ZNF532: variants seen among roughly 807,000 people sequenced by gnomAD.
The protein encoded by ZNF532 is zinc finger protein 532.
In ZNF532, 22 loss-of-function variants were observed where a neutral mutation model predicts 89.3. The observed-to-expected ratio is 0.25, with a 90% CI of 0.18 to 0.35. ZNF532 has a LOEUF of 0.35. ZNF532 is among the 10% of genes least tolerant of loss of function. The pLI, the probability that ZNF532 is intolerant of heterozygous loss-of-function variation, is 1.00. For missense variants in ZNF532, 1,132 were observed against 1,643.4 expected (o/e 0.69, Z 5.38); for synonymous variants, 606 against 649.6 (o/e 0.93, Z 1.02).
intron 2 of ZNF532, among the ~76,000 whole-genome samples, chr18:58,904,220 G>A (rs1467384085): frequency 6.6e-6 from 1 of 151,962 alleles, no homozygotes; most frequent in Admixed American, 6.6e-5. Flanking sequence ...GTGTGGTGGT[G>A]TGCACCTGTA....
chr18:58,943,459 C>CTTT (rs71336308), intron 5 of ZNF532, among the ~76,000 whole-genome samples: 2 of 131,322 alleles, frequency 1.5e-5, no homozygotes, highest in African/African-American at 2.9e-5. Context: ...CGCGCCCAGC[C>CTTT]TTTTTTTTTT....
At chr18:58,956,706 C>G (rs2064812249) in intron 7 of ZNF532, among the ~76,000 whole-genome samples, 1 of 152,246 alleles carries the variant, frequency 6.6e-6, no homozygotes, top group Non-Finnish European at 1.5e-5. Context: ...TCTGGTGACC[C>G]CTTTGTTGTT....
chr18:58,978,955 C>CTGTAATAATGATT, intron 7 of ZNF532, 100 bp from the exon 8 acceptor site: 1 of 938,888 alleles, frequency 1.1e-6, no homozygotes, highest in Non-Finnish European at 1.7e-6. Flanking sequence ...ATTTGGGGAC[C>CTGTAATAATGATT]TGTAATAATG....
chr18:58,874,386 C>T (rs2057260358), intron 2 of ZNF532, among the ~76,000 whole-genome samples: 1 of 151,928 alleles, frequency 6.6e-6, no homozygotes, highest in Non-Finnish European at 1.5e-5. Flanking sequence ...CTCTTGTTGC[C>T]CAGGTTGGAG....
intron 2 of ZNF532, among the ~76,000 whole-genome samples, chr18:58,907,376 G>C (rs924105483): frequency 6.6e-6 from 1 of 152,040 alleles, no homozygotes; most frequent in Non-Finnish European, 1.5e-5. Flanking sequence ...AGTAGAGATG[G>C]GGTTTTACCA....
In ZNF532 at chr18:58,938,599, G is replaced by T. The variant is rs1390534252; in HGVS notation, c.2529-846G>T. 5.9e-5 allele frequency among the ~76,000 whole-genome samples: 9 copies of T among 152,180 alleles called. No homozygotes were observed. The South Asian group carries it at 1.5e-3, about 25-fold the overall frequency. The stretch of plus-strand genomic sequence containing the variant: ...ATTTTCTAGGAGACAAAACACCTAG[G>T]TGGTTGACCTTCTCTATCCTGTGGA... On this transcript the variant is annotated intron_variant, in intron 4 of 9. Coordinates refer to ENST00000591808, the MANE Select transcript of ZNF532 (RefSeq NM_001375912.1).
At chr18:58,977,078 G>GTTGT (rs1030821199) in intron 7 of ZNF532, among the ~76,000 whole-genome samples, 7 of 152,024 alleles carry the variant, frequency 4.6e-5, no homozygotes, top group Admixed American at 2.0e-4. Flanking sequence ...TCTCTCTTTC[G>GTTGT]TTGTTTCCCC....
At chr18:58,955,949 T>C (rs2064729561) in intron 7 of ZNF532, among the ~76,000 whole-genome samples, 1 of 152,120 alleles carries the variant, frequency 6.6e-6, no homozygotes, top group Non-Finnish European at 1.5e-5. Context: ...CCTACCAGAT[T>C]GCATAAGAGT....
At chr18:58,879,610 C>T (rs2057724644) in intron 2 of ZNF532, among the ~76,000 whole-genome samples, 2 of 152,120 alleles carry the variant, frequency 1.3e-5, no homozygotes, top group African/African-American at 4.8e-5. Context: ...GGGCTGGTCT[C>T]GAACTCCTGA....
At chr18:58,923,043 G>A (rs959621776) in intron 3 of ZNF532, among the ~76,000 whole-genome samples, 2 of 152,178 alleles carry the variant, frequency 1.3e-5, no homozygotes, top group East Asian at 1.9e-4. Flanking sequence ...GCTGGGACGA[G>A]TACGCAGGTC....
At chr18:58,898,950 C>A (rs1371378726) in intron 2 of ZNF532, among the ~76,000 whole-genome samples, 1 of 152,258 alleles carries the variant, frequency 6.6e-6, no homozygotes, top group East Asian at 1.9e-4. Flanking sequence ...TCCCATGAGA[C>A]TGAGAAGCAT....
chr18:58,959,205 C>T (rs1329620370), intron 7 of ZNF532, among the ~76,000 whole-genome samples: 3 of 150,638 alleles, frequency 2.0e-5, no homozygotes, highest in African/African-American at 4.9e-5. Context: ...TGCTGAATTA[C>T]GGAACTCTGG....
chr18:58,970,963 T>A lies in ZNF532; in HGVS notation c.3151-8092T>A, dbSNP rs371752455. On this transcript the variant is annotated intron_variant, in intron 7 of 9. Coordinates refer to ENST00000591808, the MANE Select transcript of ZNF532 (RefSeq NM_001375912.1). ...CTTTCTTTTTTTCTCTGCCCAAGTGTCTGACATTGCCCTAAGCTCAGAAAC... is the reference window on the plus strand; with the variant it reads ...CTTTCTTTTTTTCTCTGCCCAAGTGACTGACATTGCCCTAAGCTCAGAAAC... 7.2e-5 allele frequency among the ~76,000 whole-genome samples: 11 copies of A among 152,354 alleles called. No individual in the cohort carries two copies. In the South Asian group the frequency reaches 2.3e-3, roughly 32 times the overall value.
intron 2 of ZNF532, among the ~76,000 whole-genome samples, chr18:58,907,187 G>T (rs767202204): frequency 2.0e-5 from 3 of 152,012 alleles, no homozygotes; most frequent in Admixed American, 6.6e-5. Context: ...TGAGTTTTTT[G>T]TTTGTTTGTT....
rs781214869 is a variant in ZNF532 at position 58,918,498 on chromosome 18, A to C, written c.211A>C (p.Ile71Leu). ...CGTTATCGTCAAGAATGTTCGGAAC[A>C]TTGACTCTTCCGAGGGCGGGGAGAA... ...VSVIVKNVRN[I>L]DSSEGGEKDG... Residue 71 changes from isoleucine to leucine, a missense_variant, in exon 3 of 10, where the codon ATT (isoleucine) becomes CTT (leucine). Ile to Leu is a conservative substitution (Grantham distance 5, BLOSUM62 2). This residue lies in a region of ZNF532 where 302 missense variants were observed against 319.8 expected (regional missense o/e 0.94). Transcript: ENST00000591808. 3.7e-6 allele frequency: 6 copies of C among 1,614,068 alleles called. No homozygotes were observed. In the Admixed American group the frequency reaches 1.0e-4, roughly 27 times the overall value.
At chr18:58,914,554 C>T (rs1303043165) in intron 2 of ZNF532, among the ~76,000 whole-genome samples, 1 of 152,126 alleles carries the variant, frequency 6.6e-6, no homozygotes, top group African/African-American at 2.4e-5. Context: ...GTGGCAGGTG[C>T]CTGTAATCCC....
In ZNF532 at chr18:58,919,272, C is replaced by A; in HGVS notation, c.985C>A (p.Leu329Met). 6.2e-7 allele frequency: 1 copy of A among 1,614,120 alleles called. No individual in the cohort carries two copies. Among genetic ancestry groups the A allele is most frequent in the Admixed American group, 1.7e-5 (1 of 60,022 alleles). Residue 329 changes from leucine to methionine, a missense_variant, in exon 3 of 10, where the codon CTG (leucine) becomes ATG (methionine). By Grantham distance (15) the Leu-to-Met change is conservative (BLOSUM62 2). Coordinates refer to ENST00000591808, the MANE Select transcript of ZNF532 (RefSeq NM_001375912.1). This position sits in a 1 kb window ranked among gnomAD's most constrained non-coding sequence, Gnocchi z 6.1. ...NLIDGTKKPS[L>M]KQPDSPRSIS... ...CATCGACGGGACCAAAAAACCATCC[C>A]TGAAGCAACCGGATAGTCCCAGAAG...
intron 7 of ZNF532, among the ~76,000 whole-genome samples, chr18:58,977,020 T>C (rs1459740946): frequency 6.6e-6 from 1 of 152,208 alleles, no homozygotes; most frequent in Non-Finnish European, 1.5e-5. Context: ...TAATCAAATC[T>C]TTATGAGAGA....
chr18:58,892,835 T>G (rs1203478429), intron 2 of ZNF532, among the ~76,000 whole-genome samples: 3 of 152,230 alleles, frequency 2.0e-5, no homozygotes, highest in Non-Finnish European at 2.9e-5. Flanking sequence ...AATTCAGTTT[T>G]CTGCTGCTGG....
Sources: gnomAD v4.1 joint callset for allele counts (sites outside exome capture counted in the v4.1 genomes callset) on GRCh38, gnomAD v4.1.1 for gene constraint, gnomAD v4.1.1 regional missense constraint, Gnocchi (gnomAD v3.1) non-coding constraint, MANE v1.5 for transcripts, NCBI Gene and HGNC (gene_info 2026-07-23, HGNC 2026-07-21) for gene names.